The following CDK15 variants were observed in gnomAD, a reference collection of about 807,000 sequenced individuals.
The protein encoded by CDK15 is cyclin-dependent kinase 15.
In CDK15, 62 loss-of-function variants were observed where a neutral mutation model predicts 60.3. That is an observed-to-expected ratio of 1.03 (90% confidence interval 0.84 to 1.27). The LOEUF is 1.27. Ranked by LOEUF, CDK15 falls within the 50% of genes most tolerant of loss-of-function variation. The pLI, the probability that CDK15 is intolerant of heterozygous loss-of-function variation, is 0.00. For missense variants in CDK15, 541 were observed against 527.8 expected, an observed-to-expected ratio of 1.03 and a Z score of -0.25; for synonymous variants, 194 against 195.7, an observed-to-expected ratio of 0.99 and a Z score of 0.07.
intron 11 of CDK15, among the ~76,000 whole-genome samples, chr2:201,874,830 C>A (rs954907972): frequency 2.0e-5 from 3 of 152,176 alleles, no homozygotes; most frequent in Non-Finnish European, 4.4e-5. Context: ...CTGTGGGCAT[C>A]TACTACATCC....
At chr2:201,827,081 T>C (rs1696541261) in intron 6 of CDK15, among the ~76,000 whole-genome samples, 1 of 152,234 alleles carries the variant, frequency 6.6e-6, no homozygotes, top group South Asian at 2.1e-4. Context: ...ACAGAATATA[T>C]TAGTGAAACA....
intron 3 of CDK15, among the ~76,000 whole-genome samples, chr2:201,811,506 GA>G (rs1432954379): frequency 6.6e-6 from 1 of 152,176 alleles, no homozygotes; most frequent in Admixed American, 6.5e-5. Context: ...AACTATAAGA[GA>G]AAAGTTACAT....
intron 10 of CDK15, among the ~76,000 whole-genome samples, chr2:201,862,220 C>G (rs1383528195): frequency 2.0e-5 from 3 of 152,190 alleles, no homozygotes; most frequent in African/African-American, 7.2e-5. Context: ...TGGGAGAATC[C>G]TTGTCATCTA....
chr2:201,884,911 A>G (rs1699403443), intron 12 of CDK15, among the ~76,000 whole-genome samples: 1 of 152,222 alleles, frequency 6.6e-6, no homozygotes, highest in Non-Finnish European at 1.5e-5. Context: ...AGACAAGTAT[A>G]TAAACAGCTG....
At chr2:201,845,843 AAAAGAGAGAGAG>A (rs1697632554) in intron 8 of CDK15, among the ~76,000 whole-genome samples, 1 of 146,468 alleles carries the variant, frequency 6.8e-6, no homozygotes, top group African/African-American at 2.5e-5. Flanking sequence ...TTAAAAAAAA[AAAAGAGAGAGAG>A]AGAGAGAGAG....
At chr2:201,872,354 T>C (rs372801952) in intron 11 of CDK15, 28 bp downstream of exon 11, 47 of 1,339,168 alleles carry the variant, frequency 3.5e-5, no homozygotes, top group Non-Finnish European at 4.7e-5. Context: ...AAGGGATCTT[T>C]AAGGGATCTT....
intron 8 of CDK15, among the ~76,000 whole-genome samples, 193 bp downstream of exon 8, chr2:201,835,956 T>C (rs1317393276): frequency 5.9e-4 from 47 of 79,016 alleles, no homozygotes; most frequent in African/African-American, 1.9e-3. Flanking sequence ...TTATATATAT[T>C]TGTATATATT....
intron 12 of CDK15, 87 bp from the exon 13 acceptor site, chr2:201,890,698 G>T (rs1488618508): frequency 1.1e-5 from 10 of 941,458 alleles, no homozygotes; most frequent in Middle Eastern, 3.4e-4. Context: ...CATTTCTTCA[G>T]GTGGCAAATA....
chr2:201,880,235 T>A, intron 12 of CDK15, 68 bp downstream of exon 12: 1 of 1,565,326 alleles, frequency 6.4e-7, no homozygotes, highest in Non-Finnish European at 8.7e-7. Context: ...TAAGTCTTGG[T>A]GTCTTAAGTA....
chr2:201,887,405 G>T (rs1699489749), intron 12 of CDK15, among the ~76,000 whole-genome samples: 2 of 152,158 alleles, frequency 1.3e-5, no homozygotes, highest in Admixed American at 6.6e-5. Context: ...CTTTAAACTG[G>T]TGTTATATTG....
chr2:201,869,181 A>G (rs1698755519), intron 10 of CDK15, among the ~76,000 whole-genome samples: 4 of 152,222 alleles, frequency 2.6e-5, no homozygotes, highest in Admixed American at 1.3e-4. Flanking sequence ...CATATACACC[A>G]TGGAATACTA....
chr2:201,827,614 T>G (rs1444472084), intron 6 of CDK15, among the ~76,000 whole-genome samples: 1 of 152,150 alleles, frequency 6.6e-6, no homozygotes, highest in African/African-American at 2.4e-5. Context: ...AAGTGTTTGT[T>G]TGTTTGTTTT....
rs1457454541 is a variant in CDK15, at chr2:201,894,303, A to T, written c.*1036A>T. 1.3e-5 allele frequency: 2 copies of T among 152,276 alleles called. No individual in the cohort carries two copies. Among genetic ancestry groups the T allele is most frequent in the South Asian group, 2.1e-4 (1 of 4,824 alleles). 9.4% of individuals were successfully genotyped at this position (152,276 alleles called of 1,614,324 possible). A position where few individuals can be genotyped will look rare whatever the true frequency, so the allele number is the denominator to read the frequency against. On this transcript the variant is annotated 3_prime_UTR_variant, in exon 14 of 14. Transcript: ENST00000652192. ...AGCAAGGAGGAACTAATTAAGAGATAATTAAAAAATAGTAACTATCCCCCA... is the reference window on the plus strand; with the variant it reads ...AGCAAGGAGGAACTAATTAAGAGATTATTAAAAAATAGTAACTATCCCCCA...
At chr2:201,883,204 A>G (rs1699342395) in intron 12 of CDK15, among the ~76,000 whole-genome samples, 1 of 152,342 alleles carries the variant, frequency 6.6e-6, no homozygotes, top group Non-Finnish European at 1.5e-5. Flanking sequence ...TGGTTGCAGG[A>G]TAACAGAGTT....
rs187363314 is a variant in CDK15 at position 201,891,190 on chromosome 2, G to A, written c.*33+263G>A. Among the ~76,000 whole-genome samples the A allele has an allele frequency of 6.6e-5, 10 of 152,254 alleles. No individual in the cohort carries two copies. The East Asian group carries it at 1.5e-3, about 24-fold the overall frequency. ...GACAGAACTTCTATGCTTCCTCATC[G>A]GTGTGAGATCTTCAGCTGACACAGG... On this transcript the variant is annotated intron_variant, in intron 13 of 13. Transcript: ENST00000652192.
chr2:201,833,668 T>C (rs1696858609), intron 6 of CDK15, among the ~76,000 whole-genome samples, 180 bp from the exon 7 acceptor site: 1 of 151,916 alleles, frequency 6.6e-6, no homozygotes, highest in Admixed American at 6.6e-5. Context: ...TGACTTTTCT[T>C]GTCCTTTTTC....
chr2:201,837,223 G>A (rs1257705214), intron 8 of CDK15, among the ~76,000 whole-genome samples: 6 of 151,574 alleles, frequency 4.0e-5, no homozygotes, highest in African/African-American at 1.5e-4. Flanking sequence ...GAGAAATTGA[G>A]GCTGCAGTGA....
At chr2:201,808,080 G>T in intron 3 of CDK15, 128 bp downstream of exon 3, 1 of 647,800 alleles carries the variant, frequency 1.5e-6, no homozygotes, top group East Asian at 2.9e-5. Flanking sequence ...CACCATGGCC[G>T]ACAGGGAGAG....
In CDK15 at chr2:201,880,029, C is replaced by G; in HGVS notation, c.1060C>G (p.Leu354Val). 1.2e-6 allele frequency: 2 copies of G among 1,613,778 alleles called. No homozygotes were observed. The highest frequency in any genetic ancestry group is 2.2e-5 in the South Asian group (2 of 91,024). ...TATTTTTCTCTCCCACTTTTCCAGGCTGGGCAGGGTTCCTGAAGCTGAAGA... is the reference window on the plus strand; with the variant it reads ...TATTTTTCTCTCCCACTTTTCCAGGGTGGGCAGGGTTCCTGAAGCTGAAGA... ...PRSLHVVWNRLGRVPEAEDLA... is the reference protein window; with the variant it reads ...PRSLHVVWNRVGRVPEAEDLA... Residue 354 changes from leucine to valine, a missense_variant and splice_region_variant, in exon 12 of 14, where the codon CTG becomes GTG. Leu to Val is a conservative substitution (Grantham distance 32). Transcript: ENST00000652192.
Sources: allele counts gnomAD v4.1 joint callset (sites outside exome capture counted in the v4.1 genomes callset), GRCh38; gene constraint gnomAD v4.1.1; transcripts MANE v1.5; gene names NCBI Gene and HGNC (gene_info 2026-07-23, HGNC 2026-07-21).